TMEM178A: variants seen among roughly 807,000 people sequenced by gnomAD.
TMEM178A encodes the protein transmembrane protein 178A.
A neutral mutation model predicts 29.1 loss-of-function variants in TMEM178A; 12 were observed. The observed-to-expected ratio is 0.41, with a 90% CI of 0.26 to 0.67. The LOEUF (loss-of-function observed/expected upper bound fraction) is 0.67. Ranked by LOEUF, TMEM178A falls within the 30% of genes least tolerant of loss-of-function variation. The pLI, the probability that TMEM178A is intolerant of heterozygous loss-of-function variation, is 0.29. For synonymous variants in TMEM178A, 210 were observed against 187.2 expected, an observed-to-expected ratio of 1.12 and a Z score of -0.99; for missense variants, 366 against 419.1, an observed-to-expected ratio of 0.87 and a Z score of 1.11.
intron 1 of TMEM178A, among the ~76,000 whole-genome samples, chr2:39,688,323 G>A (rs1411027167): frequency 1.3e-5 from 2 of 152,246 alleles, no homozygotes; most frequent in Non-Finnish European, 2.9e-5. Context: ...TCTGGCTGCA[G>A]ACTTGGGTCG....
chr2:39,681,958 A>G (rs989164842), intron 1 of TMEM178A, among the ~76,000 whole-genome samples: 1 of 152,198 alleles, frequency 6.6e-6, no homozygotes, highest in Non-Finnish European at 1.5e-5. Flanking sequence ...GAGAACCAGG[A>G]GCTGTAGGCC....
At chr2:39,687,652 T>C (rs1458754770) in intron 1 of TMEM178A, among the ~76,000 whole-genome samples, 1 of 152,184 alleles carries the variant, frequency 6.6e-6, no homozygotes, top group Non-Finnish European at 1.5e-5. Context: ...CAGAGCTTGA[T>C]ATAGGGATTT....
intron 1 of TMEM178A, among the ~76,000 whole-genome samples, chr2:39,670,504 A>G (rs957215452): frequency 1.3e-5 from 2 of 152,232 alleles, no homozygotes; most frequent in Non-Finnish European, 2.9e-5. Flanking sequence ...ATACTTTGGG[A>G]TGGCTGATAG....
chr2:39,666,716 G>C (rs1670180665), intron 1 of TMEM178A, among the ~76,000 whole-genome samples: 1 of 152,170 alleles, frequency 6.6e-6, no homozygotes, highest in African/African-American at 2.4e-5. Flanking sequence ...ACACCTGCCT[G>C]ACATGTGTGT....
intron 3 of TMEM178A, among the ~76,000 whole-genome samples, chr2:39,716,232 C>T (rs957094851): frequency 3.9e-5 from 6 of 152,146 alleles, no homozygotes; most frequent in Non-Finnish European, 7.3e-5. Context: ...GCACCTATAT[C>T]CACATGAATT....
chr2:39,724,297 G>C, the TMEM178A span, among the ~76,000 whole-genome samples: 1 of 151,866 alleles, frequency 6.6e-6, no homozygotes, highest in Non-Finnish European at 1.5e-5. Context: ...AAAAAAAGAG[G>C]CTATCTAGCC....
chr2:39,696,036 G>A (rs191193139), intron 1 of TMEM178A, among the ~76,000 whole-genome samples: 33 of 152,286 alleles, frequency 2.2e-4, no homozygotes, highest in African/African-American at 7.9e-4. Context: ...TAAAAGGCAG[G>A]TAGATGTAAC....
chr2:39,686,662 G>A (rs538920310), intron 1 of TMEM178A, among the ~76,000 whole-genome samples: 10 of 148,922 alleles, frequency 6.7e-5, no homozygotes, highest in South Asian at 2.2e-4. Context: ...AGGCAGTAGC[G>A]TCTGGGGGCA....
rs1671363312 is a variant in TMEM178A, at chr2:39,692,567, G to A, written c.401-11514G>A. 2.6e-5 allele frequency among the ~76,000 whole-genome samples: 4 copies of A among 152,076 alleles called. No homozygotes were observed. In the South Asian group the frequency reaches 8.3e-4, roughly 31 times the overall value. On this transcript the variant is annotated intron_variant, in intron 1 of 3. Transcript: ENST00000281961. ...TACTTTTTTTTTCTCCTAAATGTTG[G>A]AGATGAGGATGAAATTACAAGTACT... is the stretch of plus-strand genomic sequence containing the variant.
intron 3 of TMEM178A, among the ~76,000 whole-genome samples, chr2:39,714,211 T>C (rs1672434478): frequency 6.6e-6 from 1 of 152,084 alleles, no homozygotes; most frequent in South Asian, 2.1e-4. Flanking sequence ...GGGCAAGCTA[T>C]AGGGGCATTT....
At chr2:39,690,387 C>G (rs1671262460) in intron 1 of TMEM178A, among the ~76,000 whole-genome samples, 1 of 152,210 alleles carries the variant, frequency 6.6e-6, no homozygotes, top group Admixed American at 6.5e-5. Flanking sequence ...TAGCTCAACT[C>G]TGGGATGCAG....
intron 1 of TMEM178A, among the ~76,000 whole-genome samples, chr2:39,700,833 A>AT (rs1195609663): frequency 1.3e-5 from 2 of 149,720 alleles, no homozygotes; most frequent in African/African-American, 4.9e-5. Context: ...CATTTACTAC[A>AT]TATTTTTTTT....
At chr2:39,695,487 G>A (rs1181873883) in intron 1 of TMEM178A, among the ~76,000 whole-genome samples, 1 of 151,054 alleles carries the variant, frequency 6.6e-6, no homozygotes, top group African/African-American at 2.4e-5. Flanking sequence ...AAGAGAGTGA[G>A]CTATGTGGTC....
Position 39,666,331 on chromosome 2 carries a change from C to A in TMEM178A, c.357C>A (p.Tyr119Ter). The A allele has an allele frequency of 6.9e-7, 1 of 1,452,568 alleles. No homozygotes were observed. Among genetic ancestry groups the A allele is most frequent in the Middle Eastern group, 1.8e-4 (1 of 5,562 alleles). The allele number at this position is 1,452,568 out of a possible 1,614,324, so 90.0% of individuals were successfully genotyped here. ...ACTCGGGCCTCTGGAGGAAGTGCTA[C>A]TTCCTGGGCATCGACCGGGACATCG... ...ATYSGLWRKC[Y>*]FLGIDRDIDT... Residue 119 changes from tyrosine (Y) to a stop codon, truncating the protein, a stop_gained, in exon 1 of 4, where the codon TAC becomes TAA. Transcript: ENST00000281961. LOFTEE classifies it high-confidence loss of function.
At chr2:39,693,307 C>A (rs1055187198) in intron 1 of TMEM178A, among the ~76,000 whole-genome samples, 1 of 152,188 alleles carries the variant, frequency 6.6e-6, no homozygotes, top group Non-Finnish European at 1.5e-5. Flanking sequence ...TGTGTTCTGA[C>A]TATATTGATC....
chr2:39,674,135 A>G lies in TMEM178A; in HGVS notation c.400+7761A>G, dbSNP rs76524555. On this transcript the variant is annotated intron_variant, in intron 1 of 3. Transcript: ENST00000281961. The stretch of plus-strand genomic sequence containing the variant: ...ACTTACAAGTATTGGAAAAACAGAT[A>G]GGCTGAACTAAGGAGTGGCGGGAAA... 5.3e-3 allele frequency among the ~76,000 whole-genome samples: 804 copies of G among 152,372 alleles called. 9 individuals are homozygous for G. Among genetic ancestry groups the G allele is most frequent in the African/African-American group, 0.017 (707 of 41,586 alleles).
intron 1 of TMEM178A, among the ~76,000 whole-genome samples, chr2:39,694,921 G>A (rs1671473211): frequency 6.6e-6 from 1 of 152,204 alleles, no homozygotes; most frequent in African/African-American, 2.4e-5. Context: ...GTCCTCAAGA[G>A]CTTTGCCTTT....
chr2:39,707,477 T>G (rs988642885), intron 3 of TMEM178A, among the ~76,000 whole-genome samples: 9 of 152,136 alleles, frequency 5.9e-5, no homozygotes, highest in Middle Eastern at 3.2e-3. Context: ...TCTTTTTTCT[T>G]TTTTGTTTTT....
the TMEM178A span, among the ~76,000 whole-genome samples, chr2:39,726,226 G>C: frequency 1.3e-5 from 2 of 152,188 alleles, no homozygotes; most frequent in African/African-American, 2.4e-5. Flanking sequence ...TAGGAGAATA[G>C]AGTGCTAAAG....
Sources: gnomAD v4.1 joint callset for allele counts (sites outside exome capture counted in the v4.1 genomes callset) on GRCh38, gnomAD v4.1.1 for gene constraint, MANE v1.5 for transcripts, NCBI Gene and HGNC (gene_info 2026-07-23, HGNC 2026-07-21) for gene names.